The following CLEC19A variants were observed in gnomAD, a reference collection of about 807,000 sequenced individuals.
CLEC19A encodes the protein C-type lectin domain containing 19A, also known as C-type lectin domain family 19 member A.
In CLEC19A, 21 loss-of-function variants were observed where a neutral mutation model predicts 26.1. The ratio of observed to expected loss-of-function variants is 0.80; its 90% CI spans 0.57 to 1.16. The LOEUF is 1.16. Ranked by LOEUF, CLEC19A falls within the 50% of genes most tolerant of loss-of-function variation. CLEC19A has a pLI of 0.00. For synonymous variants in CLEC19A, 89 were observed against 88.6 expected (o/e 1.00, Z -0.03); for missense variants, 224 against 227.6 (o/e 0.98, Z 0.10).
chr16:19,288,096 T>G (rs1305026200), intron 1 of CLEC19A, among the ~76,000 whole-genome samples: 4 of 152,166 alleles, frequency 2.6e-5, no homozygotes, highest in African/African-American at 4.8e-5. Flanking sequence ...CCTTTCCATA[T>G]TAAGGCTATG....
intron 3 of CLEC19A, 39 bp downstream of exon 3, chr16:19,304,194 C>A (rs1295824070): frequency 2.0e-6 from 3 of 1,498,388 alleles, no homozygotes; most frequent in Admixed American, 2.0e-5. Flanking sequence ...TTGGAAGCTC[C>A]AGCCAGGATT....
At position 19,288,093 on chromosome 16, in the gene CLEC19A, A is replaced by G. The variant is rs529955498; in HGVS notation, c.88+2154A>G. Reference sequence around the variant, plus strand: ...AAGATCCACTCAGCCCAACCTTTCCATATTAAGGCTATGGAAACTGAGGCT... The same window carrying G: ...AAGATCCACTCAGCCCAACCTTTCCGTATTAAGGCTATGGAAACTGAGGCT... On this transcript the variant is annotated intron_variant, in intron 1 of 4. Coordinates refer to ENST00000636231, the MANE Select transcript of CLEC19A (RefSeq NM_001256720.2). Among the ~76,000 whole-genome samples the G allele has an allele frequency of 4.6e-5, 7 of 152,318 alleles. No individual in the cohort carries two copies. The South Asian group carries it at 8.3e-4, about 18-fold the overall frequency.
chr16:19,309,290 G>T lies in CLEC19A; in HGVS notation c.*207G>T. The T allele has an allele frequency of 2.1e-6, 1 of 480,220 alleles. No homozygotes were observed. Among genetic ancestry groups the T allele is most frequent in the African/African-American group, 2.1e-5 (1 of 47,540 alleles). 29.7% of individuals were successfully genotyped at this position (480,220 alleles called of 1,614,324 possible). ...GCTCAAATTGGCTTAATTTTTTAAAGTGTTTTTTTTTTTAAATTGACCCAA... is the reference window on the plus strand; with the variant it reads ...GCTCAAATTGGCTTAATTTTTTAAATTGTTTTTTTTTTTAAATTGACCCAA... On this transcript the variant is annotated 3_prime_UTR_variant, in exon 5 of 5. Coordinates refer to ENST00000636231, the MANE Select transcript of CLEC19A (RefSeq NM_001256720.2).
At chr16:19,292,347 C>A (rs1897608050) in intron 1 of CLEC19A, among the ~76,000 whole-genome samples, 1 of 152,094 alleles carries the variant, frequency 6.6e-6, no homozygotes, top group Non-Finnish European at 1.5e-5. Context: ...GCCTTCGTAG[C>A]AATCGTTGTC....
chr16:19,293,770 T>TA (rs55730000), intron 1 of CLEC19A, among the ~76,000 whole-genome samples: 81,556 of 151,956 alleles, frequency 0.54, 22,322 homozygotes, highest in East Asian at 0.86. Context: ...TTTTAATTTT[T>TA]ATGGGCTATA....
chr16:19,307,315 TC>T (rs1897978142), intron 3 of CLEC19A, among the ~76,000 whole-genome samples: 1 of 152,210 alleles, frequency 6.6e-6, no homozygotes, highest in Non-Finnish European at 1.5e-5. Context: ...TGAGTAAAGT[TC>T]CTGGCATGGC....
Position 19,302,396 on chromosome 16 carries a change from TGGGAGCAG to T in CLEC19A, c.255-1665_255-1658del, listed in dbSNP as rs1897852573. On this transcript the variant is annotated intron_variant, in intron 2 of 4. Coordinates refer to ENST00000636231, the MANE Select transcript of CLEC19A (RefSeq NM_001256720.2). The stretch of plus-strand genomic sequence containing the variant: ...AGAGCAGTCATTTGGAAGAAGCTGA[TGGGAGCAG>T]ATACACCTTATTGCAACATAAAGGG... Among the ~76,000 whole-genome samples the T allele has an allele frequency of 2.6e-5, 4 of 152,278 alleles. No homozygotes were observed. In the South Asian group the frequency reaches 8.3e-4, roughly 32 times the overall value.
intron 1 of CLEC19A, among the ~76,000 whole-genome samples, chr16:19,289,999 C>T (rs533927776): frequency 7.9e-5 from 12 of 152,186 alleles, no homozygotes; most frequent in African/African-American, 2.4e-4. Context: ...TCCGCCTCCC[C>T]TCCTGGCTGG....
intron 1 of CLEC19A, among the ~76,000 whole-genome samples, chr16:19,298,040 C>T (rs57662278): frequency 0.098 from 14,900 of 151,768 alleles, 1,029 homozygotes; most frequent in East Asian, 0.29. Context: ...CACCTGAGGT[C>T]GAGACTTTGA....
intron 1 of CLEC19A, among the ~76,000 whole-genome samples, chr16:19,292,861 A>G (rs888385194): frequency 6.6e-6 from 1 of 152,184 alleles, no homozygotes; most frequent in Non-Finnish European, 1.5e-5. Flanking sequence ...ATGACAGAGA[A>G]TAAGCTAGGG....
chr16:19,291,024 G>A (rs1226485111), intron 1 of CLEC19A, among the ~76,000 whole-genome samples: 1 of 152,048 alleles, frequency 6.6e-6, no homozygotes, highest in Non-Finnish European at 1.5e-5. Flanking sequence ...AAGTGTTTTT[G>A]TAAAGGTGGA....
chr16:19,304,087 G>A lies in CLEC19A; in HGVS notation c.280G>A (p.Asp94Asn). 6 of 1,550,438 alleles carry A rather than the reference G, an allele frequency of 3.9e-6. No homozygotes were observed. Among genetic ancestry groups the A allele is most frequent in the Non-Finnish European group, 5.2e-6 (6 of 1,146,920 alleles). Residue 94 changes from aspartate (D) to asparagine (N), a missense_variant, in exon 3 of 5, where the codon GAC becomes AAC. By Grantham distance (23) the Asp-to-Asn change is conservative. Transcript: ENST00000636231. The part of the protein sequence containing the change: ...HSWEENVFVY[D>N]LVNSCVPGIP... ...CTGGGAGGAGAATGTCTTTGTATAT[G>A]ACCTCGTGAACAGCTGTGTTCCCGG...
chr16:19,304,256 C>A, intron 3 of CLEC19A, 101 bp downstream of exon 3: 1 of 930,992 alleles, frequency 1.1e-6, no homozygotes. Flanking sequence ...CGGCTATGCA[C>A]ACAGCATATA....
rs983259364 is a variant in CLEC19A at position 19,298,816 on chromosome 16, G to A, written c.232G>A (p.Ala78Thr). 56 of 1,550,234 alleles carry A rather than the reference G, an allele frequency of 3.6e-5. No homozygotes were observed. Among genetic ancestry groups the A allele is most frequent in the Non-Finnish European group, 4.4e-5 (51 of 1,146,832 alleles). Residue 78 changes from alanine to threonine, a missense_variant, in exon 2 of 5, where the codon GCC becomes ACC. Transcript: ENST00000636231. ...CSEFSVGRKS[A>T]KLASIHSWEE... is the part of the protein sequence containing the mutation. ...TGAGTTCTCTGTGGGCAGGAAGTCC[G>A]CCAAGCTGGCCTCCATCCACAGGTA... is the stretch of plus-strand genomic sequence containing the variant.
At chr16:19,304,577 T>A (rs1897910873) in intron 3 of CLEC19A, among the ~76,000 whole-genome samples, 1 of 151,888 alleles carries the variant, frequency 6.6e-6, no homozygotes, top group Admixed American at 6.6e-5. Flanking sequence ...TGTGGGCTCC[T>A]GTAATCCTAG....
chr16:19,303,148 C>G (rs1321638960), intron 2 of CLEC19A, among the ~76,000 whole-genome samples: 1 of 152,194 alleles, frequency 6.6e-6, no homozygotes, highest in Admixed American at 6.5e-5. Context: ...TGAGTTCATG[C>G]ACTTAAGACA....
intron 2 of CLEC19A, 151 bp from the exon 3 acceptor site, chr16:19,303,910 TG>T: frequency 1.6e-6 from 1 of 615,412 alleles, no homozygotes; most frequent in Non-Finnish European, 2.8e-6. Context: ...CGGCCACATA[TG>T]GGTGACTTAA....
In CLEC19A at chr16:19,294,154, TA is replaced by T. The variant is rs35286909; in HGVS notation, c.89-4508del. The stretch of plus-strand genomic sequence containing the variant: ...TTTATTCCAAAATAAAAAGTTTATT[TA>T]AAAAAAAAAAGAGGTAGAAGACAAA... On this transcript the variant is annotated intron_variant, in intron 1 of 4. Transcript: ENST00000636231. Among the ~76,000 whole-genome samples the T allele has an allele frequency of 8.6e-3, 1,270 of 147,344 alleles. 22 individuals are homozygous for T. Among genetic ancestry groups the T allele is most frequent in the African/African-American group, 0.029 (1,169 of 40,310 alleles).
intron 1 of CLEC19A, 32 bp downstream of exon 1, chr16:19,285,971 G>A: frequency 6.5e-7 from 1 of 1,539,422 alleles, no homozygotes; most frequent in Non-Finnish European, 8.8e-7. Flanking sequence ...GGGAGCAGGT[G>A]GAGAGGAGTA....
Sources: gnomAD v4.1 joint callset for allele counts (sites outside exome capture counted in the v4.1 genomes callset) on GRCh38, gnomAD v4.1.1 for gene constraint, MANE v1.5 for transcripts, NCBI Gene and HGNC (gene_info 2026-07-23, HGNC 2026-07-21) for gene names.